The following RNF180 variants were observed in gnomAD, a reference collection of about 807,000 sequenced individuals.
The protein encoded by RNF180 is ring finger protein 180, also known as E3 ubiquitin-protein ligase RNF180.
RNF180 carries 38 observed loss-of-function variants against 59.2 expected under a neutral mutation model. The observed-to-expected ratio is 0.64, with a 90% CI of 0.50 to 0.84. The LOEUF is 0.84. Ranked by LOEUF, RNF180 falls within the 40% of genes least tolerant of loss-of-function variation. The pLI is 0.00. For missense variants in RNF180, 705 were observed against 700.9 expected, an observed-to-expected ratio of 1.01 and a Z score of -0.07; for synonymous variants, 262 against 240.3, an observed-to-expected ratio of 1.09 and a Z score of -0.84.
At chr5:64,218,994 T>G (rs1199778070) in intron 5 of RNF180, among the ~76,000 whole-genome samples, 1 of 152,216 alleles carries the variant, frequency 6.6e-6, no homozygotes, top group East Asian at 1.9e-4. Context: ...AATGTTTTAT[T>G]AAATCATAGT....
chr5:64,267,980 T>G (rs1233560954), intron 5 of RNF180, among the ~76,000 whole-genome samples: 5 of 152,164 alleles, frequency 3.3e-5, no homozygotes, highest in African/African-American at 9.6e-5. Flanking sequence ...GATAATTATG[T>G]TTGTAATTAT....
At chr5:64,255,418 C>G (rs1445656576) in intron 5 of RNF180, among the ~76,000 whole-genome samples, 5 of 152,100 alleles carry the variant, frequency 3.3e-5, no homozygotes, top group Non-Finnish European at 7.4e-5. Flanking sequence ...TCTCATTGTT[C>G]AATTCCCACC....
At chr5:64,204,429 A>C (rs1262776057) in intron 2 of RNF180, among the ~76,000 whole-genome samples, 2 of 152,210 alleles carry the variant, frequency 1.3e-5, no homozygotes, top group African/African-American at 2.4e-5. Context: ...ATAGTTCAGC[A>C]TTGCTGTAAT....
At chr5:64,352,365 A>G (rs1745850394) in intron 7 of RNF180, among the ~76,000 whole-genome samples, 1 of 151,914 alleles carries the variant, frequency 6.6e-6, no homozygotes. Flanking sequence ...TCCTGGATTC[A>G]TTGATTTTTT....
At chr5:64,184,438 C>T (rs1182874346) in intron 1 of RNF180, among the ~76,000 whole-genome samples, 1 of 152,002 alleles carries the variant, frequency 6.6e-6, no homozygotes, top group Non-Finnish European at 1.5e-5. Flanking sequence ...TCATCGGGGT[C>T]AAAAATGGTA....
intron 1 of RNF180, among the ~76,000 whole-genome samples, chr5:64,183,441 CTTTTTTTTTTTTTT>C: frequency 1.1e-5 from 1 of 89,914 alleles, no homozygotes. Flanking sequence ...GAAAGTATAC[CTTTTTTTTTTTTTT>C]TTTTTTTTTT....
At chr5:64,257,280 C>T (rs1244102777) in intron 5 of RNF180, among the ~76,000 whole-genome samples, 3 of 152,106 alleles carry the variant, frequency 2.0e-5, no homozygotes, top group African/African-American at 7.2e-5. Context: ...TGTCTTGTGC[C>T]AGTTTTCAAA....
intron 1 of RNF180, among the ~76,000 whole-genome samples, chr5:64,177,166 G>T (rs138204388): frequency 6.6e-6 from 1 of 152,048 alleles, no homozygotes; most frequent in East Asian, 1.9e-4. Flanking sequence ...AACTACTAAG[G>T]CTGTAGAGTC....
At chr5:64,206,005 A>G (rs1176354870) in intron 2 of RNF180, among the ~76,000 whole-genome samples, 3 of 152,168 alleles carry the variant, frequency 2.0e-5, no homozygotes, top group Admixed American at 2.0e-4. Flanking sequence ...ATTCGTGTTA[A>G]ATGTTAAATG....
rs1371003399 is a variant in RNF180 at position 64,330,304 on chromosome 5, T to C, written c.1477T>C (p.Phe493Leu). 6.6e-7 allele frequency: 1 copy of C among 1,510,790 alleles called. No homozygotes were observed. The highest frequency in any genetic ancestry group is 2.5e-5 in the East Asian group (1 of 40,688). The allele number at this position is 1,510,790 out of a possible 1,614,324, so 93.6% of individuals were successfully genotyped here. A position where few individuals can be genotyped will look rare whatever the true frequency, so the allele number is the denominator to read the frequency against. ...AGAATTGAACAATGCCACAAAAACT[T>C]TCTTTACTAAAGAATATTTGAAAAT... ...QTELNNATKT[F>L]FTKEYLKIKQ... Residue 493 changes from phenylalanine (F) to leucine (L), a missense_variant, in exon 7 of 8, where the codon TTC (phenylalanine) becomes CTC (leucine). Phe to Leu is a conservative substitution (Grantham distance 22). Coordinates refer to ENST00000389100, the MANE Select transcript of RNF180 (RefSeq NM_001113561.2).
intron 1 of RNF180, among the ~76,000 whole-genome samples, chr5:64,195,046 C>G (rs1017572644): frequency 3.3e-5 from 5 of 152,090 alleles, no homozygotes; most frequent in South Asian, 2.1e-4. Context: ...ATTTCTAGCA[C>G]CACAGAAGCT....
intron 7 of RNF180, among the ~76,000 whole-genome samples, chr5:64,348,684 A>G: frequency 6.6e-6 from 1 of 152,082 alleles, no homozygotes; most frequent in Admixed American, 6.6e-5. Flanking sequence ...AAATTAATGG[A>G]GTCTGATGTT....
At chr5:64,352,618 T>C (rs1222892747) in intron 7 of RNF180, among the ~76,000 whole-genome samples, 2 of 152,120 alleles carry the variant, frequency 1.3e-5, no homozygotes, top group Non-Finnish European at 2.9e-5. Flanking sequence ...TTCTTATTGG[T>C]TTCAAAGAAC....
chr5:64,225,242 G>A (rs936716719), intron 5 of RNF180, among the ~76,000 whole-genome samples: 7 of 152,316 alleles, frequency 4.6e-5, no homozygotes, highest in Admixed American at 2.0e-4. Context: ...TTGGCCTTAC[G>A]CATAGGAAAA....
intron 5 of RNF180, among the ~76,000 whole-genome samples, chr5:64,319,864 A>G (rs563315996): frequency 1.3e-5 from 2 of 152,362 alleles, no homozygotes; most frequent in Non-Finnish European, 2.9e-5. Context: ...TATTTTTACA[A>G]GATTTGGCAG....
intron 1 of RNF180, among the ~76,000 whole-genome samples, chr5:64,176,505 A>G (rs1398807166): frequency 6.6e-6 from 1 of 152,140 alleles, no homozygotes; most frequent in Non-Finnish European, 1.5e-5. Context: ...TCTTGATGAC[A>G]TCACTATTAA....
chr5:64,358,694 GGTTA>G lies in RNF180; in HGVS notation c.1580-10916_1580-10913del, dbSNP rs571042060. Among the ~76,000 whole-genome samples, 544 of 151,672 alleles carry G rather than the reference GGTTA, an allele frequency of 3.6e-3. 3 individuals are homozygous for G. Among genetic ancestry groups the G allele is most frequent in the African/African-American group, 0.013 (528 of 41,384 alleles). On this transcript the variant is annotated intron_variant, in intron 7 of 7. Transcript: ENST00000389100. ...TTAGGGTACATGTGCACATTGTGCA[GGTTA>G]GTTACATATGTATACATGTGCCATG...
At chr5:64,318,593 A>G (rs993050487) in intron 5 of RNF180, among the ~76,000 whole-genome samples, 1 of 152,172 alleles carries the variant, frequency 6.6e-6, no homozygotes, top group Non-Finnish European at 1.5e-5. Context: ...GAAAATTTTC[A>G]TTTACTTTAT....
At chr5:64,337,686 G>A (rs1025115089) in intron 7 of RNF180, among the ~76,000 whole-genome samples, 3 of 122,236 alleles carry the variant, frequency 2.5e-5, no homozygotes, top group African/African-American at 6.6e-5. Context: ...TCCCCAGAGT[G>A]TGATGTTCCC....
Sources: gnomAD v4.1 joint callset for allele counts (sites outside exome capture counted in the v4.1 genomes callset) on GRCh38, gnomAD v4.1.1 for gene constraint, MANE v1.5 for transcripts, NCBI Gene and HGNC (gene_info 2026-07-23, HGNC 2026-07-21) for gene names.